The following SPIN1 variants were observed in gnomAD, a reference collection of about 807,000 sequenced individuals.
SPIN1 encodes the protein spindlin-1.
A neutral mutation model predicts 26.0 loss-of-function variants in SPIN1; 3 were observed. That is an observed-to-expected ratio of 0.12 (90% CI 0.05 to 0.30). The LOEUF is 0.30. Ranked by LOEUF, SPIN1 falls within the 10% of genes least tolerant of loss-of-function variation. The pLI, the probability that SPIN1 is intolerant of heterozygous loss-of-function variation, is 1.00. For synonymous variants in SPIN1, 101 were observed against 116.5 expected (o/e 0.87, Z 0.86); for missense variants, 126 against 333.4 (o/e 0.38, Z 4.84).
intron 1 of SPIN1, among the ~76,000 whole-genome samples, chr9:88,396,712 C>T (rs1587770208): frequency 6.6e-6 from 1 of 152,026 alleles, no homozygotes; most frequent in African/African-American, 2.4e-5. Flanking sequence ...GCTTTACATC[C>T]CTTAACAATG....
In SPIN1 at chr9:88,439,971, A is replaced by T. The variant is rs77762398; in HGVS notation, c.53-8970A>T. The stretch of plus-strand genomic sequence containing the variant: ...GTATATTTAGATCAGTGACACAGAA[A>T]ATGATTATGTAGGTGGAGTAATACC... On this transcript the variant is annotated intron_variant, in intron 2 of 5. Coordinates refer to ENST00000375859, the MANE Select transcript of SPIN1 (RefSeq NM_006717.3). Among the ~76,000 whole-genome samples, 11 of 152,248 alleles carry T rather than the reference A, an allele frequency of 7.2e-5. No individual in the cohort carries two copies. In the East Asian group the frequency reaches 2.1e-3, roughly 29 times the overall value.
At chr9:88,420,712 G>A (rs1222356703) in intron 1 of SPIN1, among the ~76,000 whole-genome samples, 1 of 152,170 alleles carries the variant, frequency 6.6e-6, no homozygotes, top group African/African-American at 2.4e-5. Context: ...AGTTTAGAGG[G>A]ATGGGGGTCT....
chr9:88,474,366 C>T (rs2118240954), intron 5 of SPIN1, among the ~76,000 whole-genome samples: 1 of 152,266 alleles, frequency 6.6e-6, no homozygotes, highest in African/African-American at 2.4e-5. Context: ...AGGCTAGAGG[C>T]AGTACATTAA....
At chr9:88,417,184 A>G (rs75891288) in intron 1 of SPIN1, among the ~76,000 whole-genome samples, 1 of 152,146 alleles carries the variant, frequency 6.6e-6, no homozygotes, top group Admixed American at 6.6e-5. Context: ...GATTTTAGCT[A>G]TATGTTTTTT....
chr9:88,475,104 C>T lies in SPIN1; in HGVS notation c.616C>T (p.Pro206Ser), dbSNP rs1197846251. 6.3e-7 allele frequency: 1 copy of T among 1,588,632 alleles called. No individual in the cohort carries two copies. The highest frequency in any genetic ancestry group is 8.5e-7 in the Non-Finnish European group (1 of 1,169,884). Residue 206 changes from proline to serine, a missense_variant, in exon 6 of 6, where the codon CCA becomes TCA. Around this residue, in one of 7 missense-constraint regions of SPIN1, gnomAD observed 29 missense variants for 72.0 expected, o/e 0.40. Coordinates refer to ENST00000375859, the MANE Select transcript of SPIN1 (RefSeq NM_006717.3). ...TGATTCACCTCCAGCAGAAAGGGAA[C>T]CAGGAGAAGTTGTGGACAGCCTGGT... ...SNDSPPAERE[P>S]GEVVDSLVGK... is the part of the protein sequence containing the mutation.
chr9:88,396,092 T>C (rs1827049758), intron 1 of SPIN1, among the ~76,000 whole-genome samples: 1 of 149,394 alleles, frequency 6.7e-6, no homozygotes, highest in Non-Finnish European at 1.5e-5. Context: ...CTACTAAGAA[T>C]ACAAAAATTG....
chr9:88,447,221 A>G lies in SPIN1; in HGVS notation c.53-1720A>G, dbSNP rs567778056. On this transcript the variant is annotated intron_variant, in intron 2 of 5. Transcript: ENST00000375859. Reference sequence around the variant, plus strand: ...AATTTCAGATTATGTATTTTTCACTAATTTCATTTTTCTTTATATTTTCCA... The same window carrying G: ...AATTTCAGATTATGTATTTTTCACTGATTTCATTTTTCTTTATATTTTCCA... 3.9e-5 allele frequency among the ~76,000 whole-genome samples: 6 copies of G among 152,210 alleles called. No individual in the cohort carries two copies. The East Asian group carries it at 7.7e-4, about 20-fold the overall frequency.
intron 1 of SPIN1, among the ~76,000 whole-genome samples, chr9:88,413,317 TA>T (rs1827494229): frequency 6.6e-6 from 1 of 150,746 alleles, no homozygotes; most frequent in African/African-American, 2.5e-5. Flanking sequence ...CTTGGCCTCC[TA>T]AAGTGTTGGC....
At chr9:88,417,532 G>T (rs1212391238) in intron 1 of SPIN1, among the ~76,000 whole-genome samples, 1 of 152,134 alleles carries the variant, frequency 6.6e-6, no homozygotes, top group Non-Finnish European at 1.5e-5. Context: ...GAATGCAGTG[G>T]TGTGATCTCG....
intron 4 of SPIN1, among the ~76,000 whole-genome samples, chr9:88,463,092 C>A (rs993332928): frequency 6.6e-6 from 1 of 152,180 alleles, no homozygotes; most frequent in Non-Finnish European, 1.5e-5. Context: ...TCATCAGATA[C>A]AAAAGATAAG....
intron 3 of SPIN1, among the ~76,000 whole-genome samples, chr9:88,456,918 A>G (rs1018873293): frequency 1.3e-5 from 2 of 152,216 alleles, no homozygotes; most frequent in African/African-American, 4.8e-5. Context: ...GTTCATTAAA[A>G]AGAAAAACCA....
At position 88,411,584 on chromosome 9, in the gene SPIN1, G is replaced by A. The variant is rs1001045753; in HGVS notation, c.-158-14798G>A. On this transcript the variant is annotated intron_variant, in intron 1 of 5. Coordinates refer to ENST00000375859, the MANE Select transcript of SPIN1 (RefSeq NM_006717.3). Reference sequence around the variant, plus strand: ...GCTAGAGTGCAGTGGCATGATCTTGGCTTACTATAGCCTTGGCCTCCTGGG... The same window carrying A: ...GCTAGAGTGCAGTGGCATGATCTTGACTTACTATAGCCTTGGCCTCCTGGG... 4 of 578,312 alleles carry A rather than the reference G, an allele frequency of 6.9e-6. No homozygotes were observed. In the African/African-American group the frequency reaches 7.5e-5, roughly 11 times the overall value. 35.8% of individuals were successfully genotyped at this position (578,312 alleles called of 1,614,324 possible).
intron 4 of SPIN1, among the ~76,000 whole-genome samples, chr9:88,466,822 C>T (rs867992802): frequency 6.6e-6 from 1 of 152,236 alleles, no homozygotes; most frequent in East Asian, 1.9e-4. Flanking sequence ...ACTGCAGCCT[C>T]GACCTCTGGG....
intron 2 of SPIN1, among the ~76,000 whole-genome samples, chr9:88,430,375 C>T (rs1827844802): frequency 6.6e-6 from 1 of 152,146 alleles, no homozygotes; most frequent in Non-Finnish European, 1.5e-5. Context: ...AGCTGTGTGG[C>T]CTTTATCTAG....
At chr9:88,468,350 T>C in intron 4 of SPIN1, 22 bp from the exon 5 acceptor site, 2 of 1,425,916 alleles carry the variant, frequency 1.4e-6, no homozygotes, top group Non-Finnish European at 1.9e-6. Flanking sequence ...GTCAACTTTT[T>C]TTTTTTTTTT....
chr9:88,399,345 T>C (rs908311127), intron 1 of SPIN1, among the ~76,000 whole-genome samples: 1 of 152,184 alleles, frequency 6.6e-6, no homozygotes, highest in Non-Finnish European at 1.5e-5. Flanking sequence ...AAGCGGTTTC[T>C]GTCAGGCTGT....
chr9:88,406,643 T>A (rs538536434), intron 1 of SPIN1, among the ~76,000 whole-genome samples: 17 of 152,312 alleles, frequency 1.1e-4, no homozygotes, highest in Middle Eastern at 3.4e-3. Flanking sequence ...GATTAGAGCA[T>A]CTGTCTATTG....
chr9:88,445,153 G>A (rs1161829792), intron 2 of SPIN1, among the ~76,000 whole-genome samples: 1 of 152,142 alleles, frequency 6.6e-6, no homozygotes, highest in African/African-American at 2.4e-5. Context: ...ATTGAAAAGG[G>A]TTCTTGACAA....
chr9:88,437,503 A>G (rs966635430), intron 2 of SPIN1, among the ~76,000 whole-genome samples: 1 of 147,942 alleles, frequency 6.8e-6, no homozygotes, highest in Non-Finnish European at 1.5e-5. Flanking sequence ...GTCTCAAGAA[A>G]AAAAAAAAAG....
Sources: allele counts gnomAD v4.1 joint callset (sites outside exome capture counted in the v4.1 genomes callset), GRCh38; gene constraint gnomAD v4.1.1; regional missense constraint gnomAD v4.1.1; transcripts MANE v1.5; gene names NCBI Gene and HGNC (gene_info 2026-07-23, HGNC 2026-07-21).